The following FSAF1 variants were observed in gnomAD, a reference collection of about 807,000 sequenced individuals.
FSAF1 encodes the protein uncharacterized protein C1orf131.
the FSAF1 span, among the ~76,000 whole-genome samples, chr1:231,227,335 C>T: frequency 6.6e-6 from 1 of 152,144 alleles, no homozygotes; most frequent in African/African-American, 2.4e-5. Flanking sequence ...TAAAAAGAGG[C>T]ATGATCATGT....
At chr1:231,239,146 T>G in the FSAF1 span, 8 of 1,598,748 alleles carry the variant, frequency 5.0e-6, no homozygotes, top group Admixed American at 1.4e-4. Flanking sequence ...GTTTTCCCTT[T>G]TCTTTATGAT....
the FSAF1 span, chr1:231,239,010 A>G: frequency 1.2e-6 from 2 of 1,614,096 alleles, no homozygotes; most frequent in Non-Finnish European, 1.7e-6. Context: ...AAGGAGCACA[A>G]TGCCGCTCTT....
At chr1:231,240,735 A>G in the FSAF1 span, among the ~76,000 whole-genome samples, 1 of 152,118 alleles carries the variant, frequency 6.6e-6, no homozygotes, top group South Asian at 2.1e-4. This position sits in a 1 kb window ranked among gnomAD's most constrained non-coding sequence, Gnocchi z 4.1. Context: ...AACGTGGAAA[A>G]GCGGGCTACT....
chr1:231,230,349 C>A, the FSAF1 span, among the ~76,000 whole-genome samples: 6 of 152,284 alleles, frequency 3.9e-5, no homozygotes, highest in African/African-American at 1.4e-4. Flanking sequence ...GTAATTATTT[C>A]TTTCTTCCCT....
chr1:231,232,386 C>T, the FSAF1 span, among the ~76,000 whole-genome samples: 1 of 152,128 alleles, frequency 6.6e-6, no homozygotes, highest in South Asian at 2.1e-4. Context: ...CCTACTTCCA[C>T]GTGGACCCCT....
At chr1:231,241,127 G>A in the FSAF1 span, 44 of 1,612,792 alleles carry the variant, frequency 2.7e-5, no homozygotes, top group Non-Finnish European at 3.6e-5. Flanking sequence ...GGTCAGCCGA[G>A]GAATCAACCC....
the FSAF1 span, among the ~76,000 whole-genome samples, chr1:231,239,467 A>G: frequency 6.6e-6 from 1 of 152,222 alleles, no homozygotes; most frequent in Non-Finnish European, 1.5e-5. Context: ...CATCACAGCA[A>G]TAGTCCCCAG....
chr1:231,236,967 G>A, the FSAF1 span: 3 of 151,886 alleles, frequency 2.0e-5, no homozygotes, highest in Non-Finnish European at 4.4e-5. Context: ...TAAAATAAAG[G>A]TAGACATGGT....
the FSAF1 span, among the ~76,000 whole-genome samples, chr1:231,232,027 TCAAACA>T: frequency 6.6e-6 from 1 of 152,214 alleles, no homozygotes; most frequent in African/African-American, 2.4e-5. Flanking sequence ...TGTGCATGTA[TCAAACA>T]CAAACTTTTG....
At chr1:231,233,811 A>G in the FSAF1 span, among the ~76,000 whole-genome samples, 2 of 152,256 alleles carry the variant, frequency 1.3e-5, no homozygotes, top group Non-Finnish European at 2.9e-5. Flanking sequence ...TCAGCCTCCC[A>G]CAGTGCCGGG....
the FSAF1 span, among the ~76,000 whole-genome samples, chr1:231,231,258 G>A: frequency 2.6e-4 from 39 of 152,110 alleles, no homozygotes; most frequent in African/African-American, 8.0e-4. Context: ...CCTATTCTAT[G>A]ACTGGAAAAA....
the FSAF1 span, among the ~76,000 whole-genome samples, chr1:231,239,985 G>C: frequency 2.0e-5 from 3 of 152,190 alleles, no homozygotes; most frequent in African/African-American, 7.2e-5. Flanking sequence ...CAAGGTCAGA[G>C]ACTAAGTCTT....
chr1:231,239,253 C>T, the FSAF1 span: 3 of 1,364,742 alleles, frequency 2.2e-6, no homozygotes, highest in Non-Finnish European at 3.0e-6. Context: ...AGTATCAAAT[C>T]CTACGAATGT....
At chr1:231,240,655 C>T in the FSAF1 span, among the ~76,000 whole-genome samples, 360 of 152,172 alleles carry the variant, frequency 2.4e-3, 3 homozygotes, top group African/African-American at 8.2e-3. This position sits in a 1 kb window ranked among gnomAD's most constrained non-coding sequence, Gnocchi z 4.1. Flanking sequence ...AGCGAAATGA[C>T]ACCATCGCAC....
chr1:231,229,226 T>G, the FSAF1 span: 1 of 1,516,536 alleles, frequency 6.6e-7, no homozygotes, highest in Non-Finnish European at 9.1e-7. Flanking sequence ...GAAAAAATTC[T>G]TATTTAGATC....
chr1:231,224,203 T>G, the FSAF1 span: 1 of 1,477,408 alleles, frequency 6.8e-7, no homozygotes, highest in Non-Finnish European at 9.1e-7. Flanking sequence ...GAACGATCTA[T>G]CTAGAGTCGC....
chr1:231,240,992 C>A, the FSAF1 span: 2 of 1,584,222 alleles, frequency 1.3e-6, no homozygotes, highest in East Asian at 2.2e-5. The surrounding 1 kb of genome is among the most constrained non-coding windows in gnomAD (Gnocchi z 4.1). Context: ...CAAATCTGTT[C>A]TCCACGTGGG....
the FSAF1 span, among the ~76,000 whole-genome samples, chr1:231,228,848 G>T: frequency 1.3e-5 from 2 of 152,030 alleles, no homozygotes. Flanking sequence ...AATTAGCCAG[G>T]TGTGGTTGCA....
the FSAF1 span, among the ~76,000 whole-genome samples, chr1:231,226,089 T>C: frequency 3.2e-3 from 470 of 148,200 alleles, no homozygotes; most frequent in Non-Finnish European, 5.3e-3. Flanking sequence ...ATAGTTTGGA[T>C]AGCTGACCCT....
Sources: allele counts gnomAD v4.1 joint callset (sites outside exome capture counted in the v4.1 genomes callset), GRCh38; gene constraint gnomAD v4.1.1; non-coding constraint Gnocchi (gnomAD v3.1); transcripts MANE v1.5; gene names NCBI Gene and HGNC (gene_info 2026-07-23, HGNC 2026-07-21).